Variants in SNCAIP observed in about 807,000 individuals in gnomAD.
SNCAIP encodes synphilin-1.
Under a neutral mutation model 86.7 loss-of-function variants are expected in SNCAIP, and 43 were observed. That is an observed-to-expected ratio of 0.50 (90% CI 0.39 to 0.64). The LOEUF (loss-of-function observed/expected upper bound fraction) is 0.64. Ranked by LOEUF, SNCAIP falls within the 30% of genes least tolerant of loss-of-function variation. The pLI is 0.00. For synonymous variants in SNCAIP, 417 were observed against 427.2 expected (o/e 0.98, Z 0.29); for missense variants, 981 against 1,103.1 (o/e 0.89, Z 1.57).
chr5:122,391,028 A>G (rs1165820940), intron 1 of SNCAIP, 61 bp from the exon 2 acceptor site: 10 of 841,974 alleles, frequency 1.2e-5, no homozygotes, highest in Non-Finnish European at 2.1e-5. Context: ...TGTAGACATT[A>G]TTTTTGGTTG....
chr5:122,360,246 T>G (rs936740954), intron 1 of SNCAIP, among the ~76,000 whole-genome samples: 2 of 152,122 alleles, frequency 1.3e-5, no homozygotes, highest in African/African-American at 4.8e-5. Context: ...AACAAGCAAA[T>G]ATGTAAGAAT....
In SNCAIP at chr5:122,378,892, C is replaced by G. The variant is rs1204142121; in HGVS notation, c.-46-12197C>G. ...TCTGAGGGCTCTGTTCTGTTCCATT[C>G]ATCTATATCTCTGTTTTGGTACCAG... On this transcript the variant is annotated intron_variant, in intron 1 of 10. Transcript: ENST00000261368. Among the ~76,000 whole-genome samples the G allele has an allele frequency of 3.0e-4, 44 of 145,340 alleles. 3 individuals carry two copies. Among genetic ancestry groups the G allele is most frequent in the East Asian group, 1.7e-3 (8 of 4,786 alleles).
At chr5:122,389,535 C>A (rs1054679355) in intron 1 of SNCAIP, 15 of 152,202 alleles carry the variant, frequency 9.9e-5, no homozygotes, top group African/African-American at 3.6e-4. Flanking sequence ...ATATTTTCCT[C>A]TGAAAATCTT....
chr5:122,377,015 C>A (rs2152805360), intron 1 of SNCAIP, among the ~76,000 whole-genome samples: 1 of 152,248 alleles, frequency 6.6e-6, no homozygotes, highest in South Asian at 2.1e-4. Context: ...CACAAAGCAG[C>A]CCATTCCATT....
At chr5:122,365,494 C>G (rs1762997476) in intron 1 of SNCAIP, among the ~76,000 whole-genome samples, 3 of 152,152 alleles carry the variant, frequency 2.0e-5, no homozygotes, top group African/African-American at 7.2e-5. Context: ...ACCTGGCCAA[C>G]ATGGTGAAAC....
intron 5 of SNCAIP, among the ~76,000 whole-genome samples, chr5:122,426,596 C>A (rs1314472802): frequency 6.6e-6 from 1 of 152,156 alleles, no homozygotes; most frequent in African/African-American, 2.4e-5. Flanking sequence ...TACTTCAAAT[C>A]TAGCATAGAA....
chr5:122,329,176 A>G (rs1754752388), intron 1 of SNCAIP, among the ~76,000 whole-genome samples: 3 of 152,042 alleles, frequency 2.0e-5, no homozygotes, highest in South Asian at 4.1e-4. Context: ...CACTTATTGT[A>G]TACCAGACAA....
intron 1 of SNCAIP, among the ~76,000 whole-genome samples, chr5:122,376,596 A>C (rs1765376403): frequency 6.6e-6 from 1 of 151,980 alleles, no homozygotes. Context: ...GTCCTTGTGG[A>C]ATTGATAAGT....
chr5:122,449,543 C>A (rs1241863522), intron 8 of SNCAIP, among the ~76,000 whole-genome samples: 1 of 152,130 alleles, frequency 6.6e-6, no homozygotes, highest in African/African-American at 2.4e-5. Flanking sequence ...GATACTCAAA[C>A]ATATTATCAT....
intron 10 of SNCAIP, chr5:122,454,296 G>A (rs1781127709): frequency 6.6e-6 from 1 of 152,592 alleles, no homozygotes; most frequent in African/African-American, 2.4e-5. Flanking sequence ...TCTTTATTCA[G>A]GCTAGAGAGA....
intron 4 of SNCAIP, 121 bp from the exon 5 acceptor site, chr5:122,425,231 C>T (rs1777121757): frequency 1.2e-6 from 1 of 805,318 alleles, no homozygotes; most frequent in Admixed American, 1.7e-5. Context: ...TATTAGATCC[C>T]CAAGGCTGCC....
intron 1 of SNCAIP, 103 bp downstream of exon 1, chr5:122,312,387 C>G (rs1466144000): frequency 1.3e-5 from 2 of 152,386 alleles, no homozygotes; most frequent in Non-Finnish European, 2.9e-5. Flanking sequence ...GGGTGTCGCC[C>G]CGTGCTCCCC....
intron 1 of SNCAIP, among the ~76,000 whole-genome samples, chr5:122,376,385 G>C (rs1458090081): frequency 6.6e-6 from 1 of 152,138 alleles, no homozygotes; most frequent in Non-Finnish European, 1.5e-5. Context: ...GCCAAAATTT[G>C]GAAGTTAGAT....
rs772830813 is a variant in SNCAIP, at chr5:122,440,748, C to A, written c.1416C>A (p.Cys472Ter). Residue 472 changes from cysteine (C) to a stop codon, truncating the protein, a stop_gained, in exon 7 of 11, where the codon TGC (cysteine) becomes TGA (stop). Transcript: ENST00000261368. LOFTEE classifies it high-confidence loss of function. Reference protein sequence around the residue: ...HVASQHGYLGCIQTLVEYGAN... With the variant: ...HVASQHGYLG The stretch of plus-strand genomic sequence containing the variant: ...CCTCACAGCATGGCTACCTTGGATG[C>A]ATACAGGTACACAGGCCCTGCTGTT... The A allele has an allele frequency of 6.2e-7, 1 of 1,613,816 alleles. No homozygotes were observed. Among genetic ancestry groups the A allele is most frequent in the South Asian group, 1.1e-5 (1 of 91,070 alleles).
chr5:122,316,185 A>T (rs78480676), intron 1 of SNCAIP, among the ~76,000 whole-genome samples: 1 of 152,232 alleles, frequency 6.6e-6, no homozygotes, highest in Non-Finnish European at 1.5e-5. Flanking sequence ...CTTTATGTGT[A>T]TATCAACAGA....
At chr5:122,386,042 A>G (rs1768063418) in intron 1 of SNCAIP, among the ~76,000 whole-genome samples, 1 of 152,208 alleles carries the variant, frequency 6.6e-6, no homozygotes, top group African/African-American at 2.4e-5. Context: ...GTCACAAATC[A>G]ATGTGCCTTT....
intron 3 of SNCAIP, among the ~76,000 whole-genome samples, chr5:122,414,387 T>C (rs902623344): frequency 2.0e-5 from 3 of 152,044 alleles, no homozygotes; most frequent in South Asian, 2.1e-4. Flanking sequence ...TGCACCACCA[T>C]GCCTGGCTAA....
intron 2 of SNCAIP, among the ~76,000 whole-genome samples, chr5:122,401,529 T>G (rs1771812626): frequency 6.6e-6 from 1 of 152,236 alleles, no homozygotes; most frequent in African/African-American, 2.4e-5. Context: ...ACCCTTAAAA[T>G]TTTCCAAAAC....
chr5:122,383,066 C>T (rs1208660803), intron 1 of SNCAIP, among the ~76,000 whole-genome samples: 3 of 152,212 alleles, frequency 2.0e-5, no homozygotes, highest in Non-Finnish European at 4.4e-5. Flanking sequence ...GTGGTGGGCT[C>T]CACCCAGTTG....
Sources: allele counts gnomAD v4.1 joint callset (sites outside exome capture counted in the v4.1 genomes callset), GRCh38; gene constraint gnomAD v4.1.1; transcripts MANE v1.5; gene names NCBI Gene and HGNC (gene_info 2026-07-23, HGNC 2026-07-21).